Variants in FKBP15 observed in about 807,000 individuals in gnomAD.
The protein encoded by FKBP15 is FK506-binding protein 15.
A neutral mutation model predicts 158.1 loss-of-function variants in FKBP15; 106 were observed. That is an observed-to-expected ratio of 0.67 (90% confidence interval 0.57 to 0.79). FKBP15 has a LOEUF of 0.79. FKBP15 is among the 30% of genes least tolerant of loss of function. FKBP15 has a pLI of 0.00. For missense variants in FKBP15, 1,287 were observed against 1,479.1 expected (o/e 0.87, Z 2.13); for synonymous variants, 547 against 548.6 (o/e 1.00, Z 0.04).
In FKBP15 at chr9:113,205,317, A is replaced by T. The variant is rs112002129; in HGVS notation, c.324+1192T>A. Among the ~76,000 whole-genome samples, 536 of 152,342 alleles carry T rather than the reference A, an allele frequency of 3.5e-3. 1 individual carries two copies. Among genetic ancestry groups the T allele is most frequent in the African/African-American group, 0.012 (518 of 41,586 alleles). ...ATTAAAAGACTACTACAACTCCACAACAAAAAGACAAACAATCCAATTTTT... is the reference window on the plus strand; with the variant it reads ...ATTAAAAGACTACTACAACTCCACATCAAAAAGACAAACAATCCAATTTTT... On this transcript the variant is annotated intron_variant, in intron 4 of 27. Coordinates refer to ENST00000238256, the MANE Select transcript of FKBP15 (RefSeq NM_015258.2).
In FKBP15 at chr9:113,163,775, T is replaced by G. The variant is rs755159733; in HGVS notation, c.*2303A>C. On this transcript the variant is annotated 3_prime_UTR_variant, in exon 28 of 28. Coordinates refer to ENST00000238256, the MANE Select transcript of FKBP15 (RefSeq NM_015258.2). Reference sequence around the variant, plus strand: ...TTCGTGGCCTCAATGCCCTCCTTTATCCTCATCTTTCTTCTATGCAGAACA... The same window carrying G: ...TTCGTGGCCTCAATGCCCTCCTTTAGCCTCATCTTTCTTCTATGCAGAACA... The G allele has an allele frequency of 6.6e-6, 1 of 152,648 alleles. No individual in the cohort carries two copies. Among genetic ancestry groups the G allele is most frequent in the Non-Finnish European group, 1.5e-5 (1 of 68,060 alleles). The allele number at this position is 152,648 out of a possible 1,614,324, so 9.5% of individuals were successfully genotyped here. A position where few individuals can be genotyped will look rare whatever the true frequency, so the allele number is the denominator to read the frequency against.
Position 113,193,558 on chromosome 9 carries a change from A to C in FKBP15, c.1008-9T>G. 1 of 1,593,564 alleles carries C rather than the reference A, an allele frequency of 6.3e-7. No homozygotes were observed. The highest frequency in any genetic ancestry group is 8.6e-7 in the Non-Finnish European group (1 of 1,168,692). The stretch of plus-strand genomic sequence containing the variant: ...TACGAAGAGCTGGCTCCCTGAAAGC[A>C]AATAGACCATATTCCAAGATTGAAA... On this transcript the variant is annotated splice_polypyrimidine_tract_variant and intron_variant, in intron 10 of 27. Coordinates refer to ENST00000238256, the MANE Select transcript of FKBP15 (RefSeq NM_015258.2).
intron 14 of FKBP15, chr9:113,186,663 C>T: frequency 3.9e-6 from 1 of 258,548 alleles, no homozygotes; most frequent in Non-Finnish European, 7.5e-6. Flanking sequence ...CATTATCAGG[C>T]CTATTGTCTA....
At chr9:113,218,348 T>C (rs1223995298) in intron 1 of FKBP15, among the ~76,000 whole-genome samples, 1 of 146,128 alleles carries the variant, frequency 6.8e-6, no homozygotes, top group Non-Finnish European at 1.5e-5. Flanking sequence ...TAATAATTAA[T>C]AGTACCTCAT....
chr9:113,182,054 A>C (rs1248878913), intron 19 of FKBP15, among the ~76,000 whole-genome samples: 1 of 152,228 alleles, frequency 6.6e-6, no homozygotes, highest in East Asian at 1.9e-4. Context: ...AATCCTCATT[A>C]CAGAATATGA....
At chr9:113,185,728 G>A (rs1830474844) in intron 15 of FKBP15, among the ~76,000 whole-genome samples, 1 of 152,202 alleles carries the variant, frequency 6.6e-6, no homozygotes, top group African/African-American at 2.4e-5. Context: ...GGTTTATGGA[G>A]GGGAAGGACA....
chr9:113,194,358 T>C (rs1383835001), intron 9 of FKBP15, among the ~76,000 whole-genome samples, 189 bp from the exon 10 acceptor site: 1 of 151,602 alleles, frequency 6.6e-6, no homozygotes, highest in Non-Finnish European at 1.5e-5. Flanking sequence ...ATGGCACATG[T>C]ATACATATGT....
chr9:113,211,340 T>G (rs4979222), intron 2 of FKBP15, 137 bp downstream of exon 2: 222,887 of 577,104 alleles, frequency 0.39, 45,288 homozygotes, highest in African/African-American at 0.51. Context: ...TGTATTTTTT[T>G]TAGAGATGGG....
rs1830451292 is a variant in FKBP15 at position 113,184,404 on chromosome 9, A to C, written c.1609-5T>G. The stretch of plus-strand genomic sequence containing the variant: ...ATGTTTCTGTAACTCTTCAACCTAC[A>C]AAAGGGATACCAGAAAGACCTTGTG... On this transcript the variant is annotated splice_region_variant and splice_polypyrimidine_tract_variant and intron_variant, in intron 16 of 27. Coordinates refer to ENST00000238256, the MANE Select transcript of FKBP15 (RefSeq NM_015258.2). This position sits in a 1 kb window ranked among gnomAD's most constrained non-coding sequence, Gnocchi z 4.5. The C allele has an allele frequency of 1.3e-6, 2 of 1,578,062 alleles. No individual in the cohort carries two copies. The highest frequency in any genetic ancestry group is 1.7e-5 in the Admixed American group (1 of 57,286).
In FKBP15 at chr9:113,199,975, A is replaced by C; in HGVS notation, c.499-12T>G. 1 of 1,607,722 alleles carries C rather than the reference A, an allele frequency of 6.2e-7. No homozygotes were observed. On this transcript the variant is annotated splice_polypyrimidine_tract_variant and intron_variant, in intron 6 of 27. Coordinates refer to ENST00000238256, the MANE Select transcript of FKBP15 (RefSeq NM_015258.2). ...TTAGCAATGCACACCTGCAAGACAA[A>C]ATCAAAGCAGCATAAATGTAGTTTA...
At chr9:113,189,566 A>C (rs1004474340) in intron 12 of FKBP15, among the ~76,000 whole-genome samples, 3 of 152,110 alleles carry the variant, frequency 2.0e-5, no homozygotes, top group Non-Finnish European at 4.4e-5. Flanking sequence ...ATCCTATAAC[A>C]ATAGGCCTCA....
rs991433027 is a variant in FKBP15, at chr9:113,161,271, G to A, written c.*4807C>T. On this transcript the variant is annotated 3_prime_UTR_variant, in exon 28 of 28. Transcript: ENST00000238256. ...GGGGGAGTGGGTGGGGTAATGGTAC[G>A]TGGCTTCTTCACCCTCAGCCCCTGG... is the stretch of plus-strand genomic sequence containing the variant. 12 of 524,024 alleles carry A rather than the reference G, an allele frequency of 2.3e-5. No individual in the cohort carries two copies. Among genetic ancestry groups the A allele is most frequent in the Admixed American group, 1.5e-4 (4 of 26,926 alleles). The allele number at this position is 524,024 out of a possible 1,614,324, so 32.5% of individuals were successfully genotyped here. A position where few individuals can be genotyped will look rare whatever the true frequency, so the allele number is the denominator to read the frequency against.
intron 12 of FKBP15, 51 bp downstream of exon 12, chr9:113,190,420 G>C: frequency 7.2e-7 from 1 of 1,385,962 alleles, no homozygotes; most frequent in Non-Finnish European, 1.0e-6. Flanking sequence ...TGAAAAGAAA[G>C]ATGATGGCGA....
At chr9:113,211,279 C>T (rs1830996500) in intron 2 of FKBP15, among the ~76,000 whole-genome samples, 198 bp downstream of exon 2, 1 of 152,168 alleles carries the variant, frequency 6.6e-6, no homozygotes, top group Non-Finnish European at 1.5e-5. Context: ...CGGCCTCAGC[C>T]CCCCTAGTAG....
At position 113,171,634 on chromosome 9, in the gene FKBP15, T is replaced by C; in HGVS notation, c.2605A>G (p.Asn869Asp). 1 of 1,605,468 alleles carries C rather than the reference T, an allele frequency of 6.2e-7. No homozygotes were observed. Among genetic ancestry groups the C allele is most frequent in the South Asian group, 1.1e-5 (1 of 89,126 alleles). ...NEQHIKELEK[N>D]KSQMSGVEAA... ...TCAACCCCAGACATCTGGGACTTGT[T>C]CTTCTCTAGTTCCTTGATGTGCTGT... is the stretch of plus-strand genomic sequence containing the variant. The change falls in exon 24 of 28, where the codon AAC (asparagine) becomes GAC (aspartate). Residue 869 changes from asparagine (N) to aspartate (D), a missense_variant. Coordinates refer to ENST00000238256, the MANE Select transcript of FKBP15 (RefSeq NM_015258.2).
rs1449438816 is a variant in FKBP15 at position 113,164,480 on chromosome 9, A to G, written c.*1598T>C. On this transcript the variant is annotated 3_prime_UTR_variant, in exon 28 of 28. Coordinates refer to ENST00000238256, the MANE Select transcript of FKBP15 (RefSeq NM_015258.2). ...CTCAGCATCTTCTCTCCCTGCGGGC[A>G]GAAGCAAATATAATAGCCACTAGTT... The G allele has an allele frequency of 2.0e-5, 3 of 152,268 alleles. No individual in the cohort carries two copies. The highest frequency in any genetic ancestry group is 4.4e-5 in the Non-Finnish European group (3 of 68,048). The allele number at this position is 152,268 out of a possible 1,614,324, so 9.4% of individuals were successfully genotyped here.
At chr9:113,166,183 C>T (rs1486507603) in intron 27 of FKBP15, 28 bp from the exon 28 acceptor site, 1 of 1,591,234 alleles carries the variant, frequency 6.3e-7, no homozygotes. Context: ...AGCAGTCAGT[C>T]CTCACTTGTG....
At chr9:113,183,651 A>G in intron 18 of FKBP15, 100 bp downstream of exon 18, 1 of 744,430 alleles carries the variant, frequency 1.3e-6, no homozygotes, top group Non-Finnish European at 2.2e-6. Flanking sequence ...AATGGCAGAA[A>G]TACATACGTA....
At chr9:113,205,775 A>G (rs2118936001) in intron 4 of FKBP15, among the ~76,000 whole-genome samples, 1 of 152,318 alleles carries the variant, frequency 6.6e-6, no homozygotes, top group South Asian at 2.1e-4. Flanking sequence ...CCCAGTGTCC[A>G]TCAACTGATG....
Sources: gnomAD v4.1 joint callset for allele counts (sites outside exome capture counted in the v4.1 genomes callset) on GRCh38, gnomAD v4.1.1 for gene constraint, Gnocchi (gnomAD v3.1) non-coding constraint, MANE v1.5 for transcripts, NCBI Gene and HGNC (gene_info 2026-07-23, HGNC 2026-07-21) for gene names.